Variants in RIMS2 observed in about 807,000 individuals in gnomAD.
RIMS2 encodes the protein regulating synaptic membrane exocytosis protein 2.
RIMS2 carries 59 observed loss-of-function variants against 174.4 expected under a neutral mutation model. That is an observed-to-expected ratio of 0.34 (90% CI 0.27 to 0.42). The LOEUF is 0.42. RIMS2 is among the 10% of genes least tolerant of loss of function. RIMS2 has a pLI of 1.00. For missense variants in RIMS2, 1,620 were observed against 1,666.3 expected, an observed-to-expected ratio of 0.97 and a Z score of 0.48; for synonymous variants, 606 against 572.5, an observed-to-expected ratio of 1.06 and a Z score of -0.84.
chr8:104,216,645 C>T (rs572561770), intron 19 of RIMS2, among the ~76,000 whole-genome samples: 53 of 152,242 alleles, frequency 3.5e-4, no homozygotes, highest in African/African-American at 1.2e-3. Flanking sequence ...TAATATCTCC[C>T]TCATAGGATT....
chr8:104,243,625 G>A (rs2139988359), intron 19 of RIMS2, among the ~76,000 whole-genome samples: 1 of 152,260 alleles, frequency 6.6e-6, no homozygotes, highest in South Asian at 2.1e-4. Context: ...GGCGGAGGTT[G>A]CAGTGAGCAG....
At chr8:104,008,680 T>C (rs1311955265) in intron 17 of RIMS2, among the ~76,000 whole-genome samples, 1 of 151,946 alleles carries the variant, frequency 6.6e-6, no homozygotes, top group Non-Finnish European at 1.5e-5. Context: ...ATAATAGGCT[T>C]GTGGGTAATA....
intron 3 of RIMS2, among the ~76,000 whole-genome samples, chr8:103,780,104 G>C (rs578253011): frequency 6.6e-6 from 1 of 152,114 alleles, no homozygotes; most frequent in South Asian, 2.1e-4. Flanking sequence ...AATTTCTCTT[G>C]AAATTATCAG....
chr8:103,815,507 A>T (rs1409552173), intron 3 of RIMS2, among the ~76,000 whole-genome samples: 4 of 152,180 alleles, frequency 2.6e-5, no homozygotes, highest in Non-Finnish European at 4.4e-5. Flanking sequence ...TAGAACATAA[A>T]TAGAGAAACC....
intron 4 of RIMS2, among the ~76,000 whole-genome samples, chr8:103,905,633 GA>G (rs1387885493): frequency 6.7e-6 from 1 of 149,550 alleles, no homozygotes; most frequent in Non-Finnish European, 1.5e-5. Context: ...CCAAATTTGG[GA>G]AATTTTCAGT....
intron 6 of RIMS2, among the ~76,000 whole-genome samples, chr8:103,912,760 A>T (rs906509470): frequency 6.6e-6 from 1 of 152,084 alleles, no homozygotes; most frequent in Non-Finnish European, 1.5e-5. Context: ...TTATTTGGTA[A>T]ATACATTAAA....
At chr8:103,570,180 T>G (rs1474933096) in intron 1 of RIMS2, among the ~76,000 whole-genome samples, 2 of 152,176 alleles carry the variant, frequency 1.3e-5, no homozygotes, top group Non-Finnish European at 2.9e-5. Flanking sequence ...CATTATACAA[T>G]GTACTTCTAT....
intron 16 of RIMS2, among the ~76,000 whole-genome samples, chr8:103,978,534 C>A (rs1327836659): frequency 6.6e-6 from 1 of 152,244 alleles, no homozygotes; most frequent in East Asian, 1.9e-4. Context: ...GGTCAAACTG[C>A]AGCTAGAATT....
chr8:103,961,491 T>C (rs1362287033), intron 15 of RIMS2, among the ~76,000 whole-genome samples: 1 of 152,134 alleles, frequency 6.6e-6, no homozygotes, highest in Admixed American at 6.5e-5. Flanking sequence ...AACCACCATA[T>C]CTAAATATGT....
At chr8:104,007,018 G>A (rs770377349) in intron 17 of RIMS2, among the ~76,000 whole-genome samples, 7 of 152,150 alleles carry the variant, frequency 4.6e-5, no homozygotes, top group East Asian at 1.9e-4. Context: ...AATAAAGACA[G>A]CCCAGTTCAA....
intron 14 of RIMS2, 145 bp downstream of exon 16, chr8:103,943,071 T>C (rs1251242518): frequency 4.8e-6 from 3 of 626,190 alleles, no homozygotes; most frequent in African/African-American, 3.7e-5. Context: ...TTGAAAACAA[T>C]TGTTTGAAGC....
At chr8:104,065,111 G>A (rs898717437) in intron 19 of RIMS2, among the ~76,000 whole-genome samples, 1 of 151,870 alleles carries the variant, frequency 6.6e-6, no homozygotes, top group Non-Finnish European at 1.5e-5. Flanking sequence ...GGAGAAAAAA[G>A]GTAAGTGTTC....
chr8:103,627,401 C>T (rs1481906365), intron 1 of RIMS2, among the ~76,000 whole-genome samples: 1 of 152,040 alleles, frequency 6.6e-6, no homozygotes, highest in Admixed American at 6.6e-5. Flanking sequence ...TCCATTTGTA[C>T]AATAGTGGTC....
At chr8:103,778,242 ATATCT>A (rs954360690) in intron 3 of RIMS2, among the ~76,000 whole-genome samples, 1 of 152,060 alleles carries the variant, frequency 6.6e-6, no homozygotes, top group South Asian at 2.1e-4. Flanking sequence ...CATTACCTAA[ATATCT>A]TATCTTTATG....
At chr8:103,956,313 A>G (rs192761113) in intron 14 of RIMS2, among the ~76,000 whole-genome samples, 8 of 152,344 alleles carry the variant, frequency 5.3e-5, no homozygotes, top group Non-Finnish European at 8.8e-5. Flanking sequence ...AGCAGAAAGA[A>G]CAAAGCTGGA....
chr8:104,214,126 T>C (rs2099118791), intron 19 of RIMS2, among the ~76,000 whole-genome samples: 1 of 152,166 alleles, frequency 6.6e-6, no homozygotes, highest in Non-Finnish European at 1.5e-5. Flanking sequence ...ATCCAAGTTA[T>C]AAAGCAGTGG....
chr8:103,653,837 A>C (rs1032679664), intron 1 of RIMS2, among the ~76,000 whole-genome samples: 3 of 152,090 alleles, frequency 2.0e-5, no homozygotes, highest in Admixed American at 6.6e-5. Flanking sequence ...TCCTGTACTT[A>C]AGGTCGTTGA....
chr8:104,252,430 C>T (rs2099361365), downstream of RIMS2: 1 of 153,392 alleles, frequency 6.5e-6, no homozygotes, highest in Admixed American at 6.5e-5. Flanking sequence ...AAACAAAATT[C>T]TGTGGCTACA....
At chr8:103,575,799 G>A (rs1327422756) in intron 1 of RIMS2, among the ~76,000 whole-genome samples, 3 of 151,660 alleles carry the variant, frequency 2.0e-5, no homozygotes, top group East Asian at 3.9e-4. Flanking sequence ...AACTCTGAAC[G>A]GATTAAGAGA....
Sources: allele counts gnomAD v4.1 joint callset (sites outside exome capture counted in the v4.1 genomes callset), GRCh38; gene constraint gnomAD v4.1.1; transcripts MANE v1.5; gene names NCBI Gene and HGNC (gene_info 2026-07-23, HGNC 2026-07-21).